The following EFCAB10 variants were observed in gnomAD, a reference collection of about 807,000 sequenced individuals.
EFCAB10 encodes the protein EF-hand calcium-binding domain-containing protein 10.
EFCAB10 carries 7 observed loss-of-function variants against 7.7 expected under a neutral mutation model. That is an observed-to-expected ratio of 0.91 (90% CI 0.52 to 1.72). The LOEUF (loss-of-function observed/expected upper bound fraction) is 1.72. Ranked by LOEUF, EFCAB10 falls within the 40% of genes most tolerant of loss-of-function variation. The pLI is 0.00. For synonymous variants in EFCAB10, 52 were observed against 21.0 expected (o/e 2.47, Z -4.03); for missense variants, 112 against 61.5 (o/e 1.82, Z -2.74).
At chr7:105,576,666 G>A (rs1792088689) in intron 1 of EFCAB10, among the ~76,000 whole-genome samples, 1 of 152,036 alleles carries the variant, frequency 6.6e-6, no homozygotes, top group Non-Finnish European at 1.5e-5. Flanking sequence ...GGATGGCCTC[G>A]ATATCCTGAC....
intron 1 of EFCAB10, among the ~76,000 whole-genome samples, chr7:105,570,280 C>CACACAT (rs1791915547): frequency 8.6e-6 from 1 of 116,516 alleles, no homozygotes; most frequent in African/African-American, 3.1e-5. Context: ...CACACACACA[C>CACACAT]ACATACATAT....
chr7:105,577,448 T>C (rs1454867497), intron 1 of EFCAB10, among the ~76,000 whole-genome samples: 1 of 152,020 alleles, frequency 6.6e-6, no homozygotes, highest in African/African-American at 2.4e-5. Context: ...TTTTGAGTGG[T>C]TTTACTGTGG....
intron 1 of EFCAB10, 94 bp from the exon 2 acceptor site, chr7:105,569,665 A>G: frequency 4.7e-6 from 3 of 637,704 alleles, no homozygotes; most frequent in Non-Finnish European, 5.6e-6. Flanking sequence ...AGCTATAGCA[A>G]AGGCACTGTA....
At chr7:105,571,365 A>G (rs911926306) in intron 1 of EFCAB10, 5 of 152,214 alleles carry the variant, frequency 3.3e-5, no homozygotes, top group East Asian at 3.8e-4. Context: ...ACAGCTTTCA[A>G]TGGAAAATTT....
chr7:105,577,920 A>G (rs1471174061), intron 1 of EFCAB10, among the ~76,000 whole-genome samples: 1 of 152,086 alleles, frequency 6.6e-6, no homozygotes, highest in Non-Finnish European at 1.5e-5. Context: ...CTGTGCCACC[A>G]TATCTGGATA....
chr7:105,567,639 G>A, intron 3 of EFCAB10, 149 bp from the exon 4 acceptor site: 2 of 538,142 alleles, frequency 3.7e-6, no homozygotes, highest in South Asian at 2.9e-5. Flanking sequence ...ATTCTGTTGT[G>A]GATAATCAAA....
chr7:105,573,900 G>C (rs139733026), intron 1 of EFCAB10, among the ~76,000 whole-genome samples: 8 of 152,234 alleles, frequency 5.3e-5, no homozygotes, highest in Non-Finnish European at 1.0e-4. Flanking sequence ...AGTCATGATA[G>C]TCTCCATTGA....
intron 3 of EFCAB10, chr7:105,567,703 G>T (rs926038728): frequency 1.6e-5 from 8 of 494,916 alleles, no homozygotes; most frequent in African/African-American, 1.4e-4. Flanking sequence ...TGTAATTGAG[G>T]CACCTGTATC....
At chr7:105,576,149 T>C (rs1490794627) in intron 1 of EFCAB10, among the ~76,000 whole-genome samples, 1 of 152,142 alleles carries the variant, frequency 6.6e-6, no homozygotes, top group Non-Finnish European at 1.5e-5. Context: ...TATTAAGAAA[T>C]AGGTATAGCT....
intron 1 of EFCAB10, 95 bp from the exon 2 acceptor site, chr7:105,569,666 A>T: frequency 1.6e-6 from 1 of 637,684 alleles, no homozygotes; most frequent in South Asian, 1.9e-5. Context: ...GCTATAGCAA[A>T]GGCACTGTAC....
rs202008558 is a variant in EFCAB10, at chr7:105,567,152, C to T, written c.383+315G>A. On this transcript the variant is annotated intron_variant, in intron 4 of 4. Transcript: ENST00000480514. ...AAGCCTGTATTGTTTTGAATTTGAA[C>T]GTCGGTTCTGCACTACTGCTGAAAG... 32 of 1,584,564 alleles carry T rather than the reference C, an allele frequency of 2.0e-5. No individual in the cohort carries two copies. Among genetic ancestry groups the T allele is most frequent in the Admixed American group, 3.9e-5 (2 of 51,512 alleles).
chr7:105,574,816 T>C (rs2133527497), intron 1 of EFCAB10, among the ~76,000 whole-genome samples: 1 of 150,828 alleles, frequency 6.6e-6, no homozygotes, highest in Non-Finnish European at 1.5e-5. Flanking sequence ...TCGGATCAGG[T>C]CAGGCGCAGT....
At chr7:105,570,211 CAAAAAAAAAAAAA>C (rs1178986135) in intron 1 of EFCAB10, among the ~76,000 whole-genome samples, 2 of 17,356 alleles carry the variant, frequency 1.2e-4, no homozygotes, top group African/African-American at 1.6e-4. Context: ...AAGACTCTCT[CAAAAAAAAAAAAA>C]AAAAAAAAAA....
chr7:105,574,245 G>GTGTATATA (rs1410043192), intron 1 of EFCAB10, among the ~76,000 whole-genome samples: 2 of 143,744 alleles, frequency 1.4e-5, no homozygotes, highest in African/African-American at 5.1e-5. Context: ...CATATATACA[G>GTGTATATA]TATATATATA....
At chr7:105,569,128 T>G (rs1791871324) in intron 3 of EFCAB10, 75 bp downstream of exon 3, 1 of 674,976 alleles carries the variant, frequency 1.5e-6, no homozygotes, top group Non-Finnish European at 2.6e-6. Context: ...GATAGGAACC[T>G]GTTTTAAAGG....
In EFCAB10 at chr7:105,567,500, C is replaced by CA; in HGVS notation, c.360-11dup. The CA allele has an allele frequency of 1.4e-6, 1 of 697,352 alleles. No homozygotes were observed. Among genetic ancestry groups the CA allele is most frequent in the Non-Finnish European group, 2.6e-6 (1 of 387,036 alleles). The allele number at this position is 697,352 out of a possible 1,614,324, so 43.2% of individuals were successfully genotyped here. ...CTTCATCCTCTTGTTCCTAAGGAAACAAAAACAGAAAACGAAACAATGAAA... is the reference window on the plus strand; with the variant it reads ...CTTCATCCTCTTGTTCCTAAGGAAACAAAAAACAGAAAACGAAACAATGAAA... On this transcript the variant is annotated splice_polypyrimidine_tract_variant and intron_variant, in intron 3 of 4. Transcript: ENST00000480514.
chr7:105,576,528 C>T lies in EFCAB10; in HGVS notation c.106+4830G>A, dbSNP rs567010377. Among the ~76,000 whole-genome samples the T allele has an allele frequency of 4.2e-4, 64 of 152,262 alleles. 1 individual carries two copies. The South Asian group carries it at 0.011, about 27-fold the overall frequency. The stretch of plus-strand genomic sequence containing the variant: ...CACAATCTCAGCTCACTGCAAGCTC[C>T]GCCTCCCAGGCTCACACCATTCTTC... On this transcript the variant is annotated intron_variant, in intron 1 of 4. Coordinates refer to ENST00000480514, the MANE Select transcript of EFCAB10 (RefSeq NM_001355526.2).
At chr7:105,569,317 T>C in intron 2 of EFCAB10, 27 bp from the exon 3 acceptor site, 1 of 695,226 alleles carries the variant, frequency 1.4e-6, no homozygotes, top group Non-Finnish European at 2.6e-6. Flanking sequence ...AGAAATGAAG[T>C]GAGAATTTTA....
In EFCAB10 at chr7:105,581,420, T is replaced by G. The variant is rs996562601; in HGVS notation, c.44A>C (p.Glu15Ala). 6.0e-5 allele frequency: 42 copies of G among 703,088 alleles called. No homozygotes were observed. In the East Asian group the frequency reaches 1.1e-3, roughly 18 times the overall value. 43.6% of individuals were successfully genotyped at this position (703,088 alleles called of 1,614,324 possible). The change falls in exon 1 of 5, where the codon GAA becomes GCA. Residue 15 changes from glutamate to alanine, a missense_variant. Physicochemically the swap from Glu to Ala is moderately radical, Grantham distance 107 (BLOSUM62 -1). Coordinates refer to ENST00000480514, the MANE Select transcript of EFCAB10 (RefSeq NM_001355526.2). ...AACCACCTCCTTGATCTGATGCTTTTCCAAATACTCCGCGGCTTGGAGCTC... is the reference window on the plus strand; with the variant it reads ...AACCACCTCCTTGATCTGATGCTTTGCCAAATACTCCGCGGCTTGGAGCTC... ...SRELQAAEYL[E>A]KHQIKEVVSY...
Sources: allele counts gnomAD v4.1 joint callset (sites outside exome capture counted in the v4.1 genomes callset), GRCh38; gene constraint gnomAD v4.1.1; transcripts MANE v1.5; gene names NCBI Gene and HGNC (gene_info 2026-07-23, HGNC 2026-07-21).